The following JAZF1 variants were observed in gnomAD, a reference collection of about 807,000 sequenced individuals.
JAZF1 encodes the protein JAZF zinc finger 1, also known as juxtaposed with another zinc finger protein 1.
A neutral mutation model predicts 26.4 loss-of-function variants in JAZF1; 8 were observed. That is an observed-to-expected ratio of 0.30 (90% CI 0.18 to 0.55). The LOEUF is 0.55. Among genes scored for constraint, JAZF1 ranks in the 20% least tolerant of loss-of-function variants. The pLI is 0.94. For missense variants in JAZF1, 199 were observed against 322.0 expected (o/e 0.62, Z 2.92); for synonymous variants, 126 against 122.3 (o/e 1.03, Z -0.20).
At chr7:28,086,925 T>C (rs948216891) in intron 1 of JAZF1, among the ~76,000 whole-genome samples, 5 of 152,210 alleles carry the variant, frequency 3.3e-5, no homozygotes, top group African/African-American at 1.2e-4. Flanking sequence ...ATAAGGGTGA[T>C]GTACCCTGGG....
At chr7:27,974,947 C>T (rs1259622965) in intron 2 of JAZF1, among the ~76,000 whole-genome samples, 1 of 150,622 alleles carries the variant, frequency 6.6e-6, no homozygotes, top group African/African-American at 2.4e-5. Flanking sequence ...TGCAGTGGCA[C>T]GATCTGGGCT....
chr7:27,951,190 C>T (rs1469373325), intron 2 of JAZF1, among the ~76,000 whole-genome samples: 9 of 152,180 alleles, frequency 5.9e-5, no homozygotes, highest in Non-Finnish European at 1.3e-4. Flanking sequence ...AAGCTTATCA[C>T]TCCTATTTAA....
chr7:28,107,137 C>T (rs371766023), intron 1 of JAZF1, among the ~76,000 whole-genome samples: 19 of 152,344 alleles, frequency 1.2e-4, no homozygotes, highest in African/African-American at 3.8e-4. Context: ...CCCAGTTTTA[C>T]AGGTGTGCTT....
intron 4 of JAZF1, among the ~76,000 whole-genome samples, chr7:27,837,594 T>C (rs1423148048): frequency 6.6e-6 from 1 of 152,084 alleles, no homozygotes; most frequent in Non-Finnish European, 1.5e-5. Flanking sequence ...GATGAGAACT[T>C]GACCTATGAG....
intron 1 of JAZF1, among the ~76,000 whole-genome samples, chr7:28,074,458 G>A (rs1009041274): frequency 6.6e-6 from 1 of 152,142 alleles, no homozygotes; most frequent in African/African-American, 2.4e-5. Flanking sequence ...ACATTGTGGA[G>A]AGCTTTTAAA....
intron 2 of JAZF1, among the ~76,000 whole-genome samples, chr7:27,972,999 C>G (rs1785402387): frequency 6.6e-6 from 1 of 151,296 alleles, no homozygotes; most frequent in Non-Finnish European, 1.5e-5. Context: ...TTATTTTAGG[C>G]TCGCTCTCAA....
intron 1 of JAZF1, among the ~76,000 whole-genome samples, chr7:28,029,486 G>A (rs941138392): frequency 2.0e-5 from 3 of 152,188 alleles, no homozygotes; most frequent in Non-Finnish European, 4.4e-5. Context: ...ACCATGGGAA[G>A]TTACTACAAA....
intron 2 of JAZF1, 117 bp from the exon 3 acceptor site, chr7:27,895,533 G>T: frequency 1.7e-6 from 1 of 573,442 alleles, no homozygotes; most frequent in Non-Finnish European, 2.9e-6. Flanking sequence ...CCACAGGTCA[G>T]TCCCAATCTC....
rs528138124 is a variant in JAZF1, at chr7:28,168,448, A to AAAT, written c.115+12012_115+12014dup. 1.2e-3 allele frequency among the ~76,000 whole-genome samples: 187 copies of AAAT among 151,946 alleles called. 1 individual carries two copies. The highest frequency in any genetic ancestry group is 0.01 in the Middle Eastern group (3 of 294). ...TCTTAATTCCTAGCTTCTCTCTCTC[A>AAAT]AATAATAATAATAAATAAAAGCATC... On this transcript the variant is annotated intron_variant, in intron 1 of 4. Transcript: ENST00000283928.
rs10271850 is a variant in JAZF1, at chr7:27,913,240, G to A, written c.189-17824C>T. ...CATTTTTTATATATGTATATACATA[G>A]ATATTTATGTTTACATATTATATAT... On this transcript the variant is annotated intron_variant, in intron 2 of 4. Transcript: ENST00000283928. Among the ~76,000 whole-genome samples the A allele has an allele frequency of 6.9e-3, 1,026 of 148,138 alleles. 10 individuals carry two copies. The highest frequency in any genetic ancestry group is 0.024 in the African/African-American group (977 of 40,606).
chr7:27,921,862 C>T (rs2128348098), intron 2 of JAZF1, among the ~76,000 whole-genome samples: 1 of 152,080 alleles, frequency 6.6e-6, no homozygotes, highest in South Asian at 2.1e-4. Context: ...CCTGTCTCTA[C>T]AAAAATAGAA....
intron 1 of JAZF1, among the ~76,000 whole-genome samples, chr7:28,105,876 G>A (rs1359320326): frequency 6.6e-6 from 1 of 152,180 alleles, no homozygotes; most frequent in Non-Finnish European, 1.5e-5. Flanking sequence ...ATCAACCGTG[G>A]CTTCTTTCTT....
At chr7:28,000,732 C>T (rs1786138397) in intron 1 of JAZF1, among the ~76,000 whole-genome samples, 1 of 150,808 alleles carries the variant, frequency 6.6e-6, no homozygotes, top group African/African-American at 2.5e-5. Flanking sequence ...GATTCTCATG[C>T]CTCAGCCTCC....
In JAZF1 at chr7:27,895,307, G is replaced by C. The variant is rs1784042395; in HGVS notation, c.298C>G (p.Pro100Ala). 6.2e-7 allele frequency: 1 copy of C among 1,609,552 alleles called. No individual in the cohort carries two copies. The highest frequency in any genetic ancestry group is 1.3e-5 in the African/African-American group (1 of 74,774). Residue 100 changes from proline (P) to alanine (A), a missense_variant, in exon 3 of 5, where the codon CCC (proline) becomes GCC (alanine). Around this residue, in one of 2 missense-constraint regions of JAZF1, gnomAD observed 137 missense variants for 184.8 expected, o/e 0.74. Coordinates refer to ENST00000283928, the MANE Select transcript of JAZF1 (RefSeq NM_175061.4). Reference protein sequence around the residue: ...SSVSRGNVSTPPRHSSGSLTP... With the variant: ...SSVSRGNVSTAPRHSSGSLTP... ...AGGCTTCCACTGCTGTGGCGTGGGG[G>C]AGTGGACACATTCCCTCGAGACACT...
intron 2 of JAZF1, among the ~76,000 whole-genome samples, chr7:27,979,481 T>C (rs1233685582): frequency 2.1e-5 from 3 of 142,738 alleles, no homozygotes; most frequent in Non-Finnish European, 4.5e-5. Flanking sequence ...CTTGAACTCC[T>C]GGGCTCAAGC....
At chr7:27,870,950 C>G (rs1200662193) in intron 3 of JAZF1, among the ~76,000 whole-genome samples, 3 of 152,162 alleles carry the variant, frequency 2.0e-5, no homozygotes, top group African/African-American at 7.2e-5. Flanking sequence ...GAGTAGTTAG[C>G]AATGCTTCCT....
At chr7:27,915,481 T>C (rs2128346560) in intron 2 of JAZF1, among the ~76,000 whole-genome samples, 1 of 152,326 alleles carries the variant, frequency 6.6e-6, no homozygotes, top group South Asian at 2.1e-4. Flanking sequence ...TCGCTAGCAC[T>C]TTTTAAAAAG....
chr7:27,837,014 C>T (rs1441397261), intron 4 of JAZF1, among the ~76,000 whole-genome samples: 1 of 152,096 alleles, frequency 6.6e-6, no homozygotes, highest in Admixed American at 6.5e-5. Context: ...GTGAGCACTC[C>T]CTCATCATTA....
intron 2 of JAZF1, among the ~76,000 whole-genome samples, chr7:27,909,966 T>C (rs1456441344): frequency 2.0e-5 from 3 of 152,130 alleles, no homozygotes; most frequent in Non-Finnish European, 2.9e-5. Context: ...ATACCTAACA[T>C]AGATTCACAA....
Sources: gnomAD v4.1 joint callset for allele counts (sites outside exome capture counted in the v4.1 genomes callset) on GRCh38, gnomAD v4.1.1 for gene constraint, gnomAD v4.1.1 regional missense constraint, MANE v1.5 for transcripts, NCBI Gene and HGNC (gene_info 2026-07-23, HGNC 2026-07-21) for gene names.